Variants in DGKI observed in about 807,000 individuals in gnomAD.
DGKI encodes diacylglycerol kinase iota.
DGKI carries 55 observed loss-of-function variants against 147.5 expected under a neutral mutation model. The observed-to-expected ratio is 0.37, with a 90% CI of 0.30 to 0.47. The LOEUF is 0.47. Ranked by LOEUF, DGKI falls within the 20% of genes least tolerant of loss-of-function variation. DGKI has a pLI of 1.00. For missense variants in DGKI, 1,007 were observed against 1,323.8 expected (o/e 0.76, Z 3.71); for synonymous variants, 469 against 477.1 (o/e 0.98, Z 0.22).
At chr7:137,545,450 T>G (rs559027413) in intron 20 of DGKI, among the ~76,000 whole-genome samples, 1 of 152,168 alleles carries the variant, frequency 6.6e-6, no homozygotes, top group African/African-American at 2.4e-5. Flanking sequence ...GTCATTGAAC[T>G]TTTACTGTAA....
At chr7:137,695,440 T>C (rs530389727) in intron 1 of DGKI, among the ~76,000 whole-genome samples, 2 of 152,326 alleles carry the variant, frequency 1.3e-5, no homozygotes, top group African/African-American at 4.8e-5. Flanking sequence ...AGAAAATACA[T>C]TTTGCCAGGC....
At chr7:137,518,271 G>T (rs1220360962) in intron 21 of DGKI, among the ~76,000 whole-genome samples, 3 of 152,080 alleles carry the variant, frequency 2.0e-5, no homozygotes, top group African/African-American at 7.2e-5. Context: ...TCATTTTACA[G>T]ATGAGAGATT....
intron 18 of DGKI, 23 bp downstream of exon 18, chr7:137,572,742 G>C: frequency 1.3e-6 from 2 of 1,535,510 alleles, no homozygotes; most frequent in South Asian, 1.2e-5. Context: ...TCAAACCAAG[G>C]AAACAATACA....
chr7:137,762,244 G>A (rs1795879473), intron 1 of DGKI, among the ~76,000 whole-genome samples: 1 of 152,126 alleles, frequency 6.6e-6, no homozygotes, highest in African/African-American at 2.4e-5. Flanking sequence ...CTTCTTAATA[G>A]ATTCCTGGGA....
intron 19 of DGKI, among the ~76,000 whole-genome samples, chr7:137,560,281 A>G (rs943704442): frequency 6.6e-6 from 1 of 152,262 alleles, no homozygotes; most frequent in Non-Finnish European, 1.5e-5. Flanking sequence ...TGAAAAACAG[A>G]GACAGAAATG....
intron 28 of DGKI, among the ~76,000 whole-genome samples, chr7:137,418,254 G>A (rs1585094386): frequency 1.3e-5 from 2 of 152,124 alleles, no homozygotes; most frequent in Non-Finnish European, 2.9e-5. Flanking sequence ...TTCTATCAGT[G>A]GAAAAATTTA....
At chr7:137,666,533 C>T (rs1177662750) in intron 3 of DGKI, among the ~76,000 whole-genome samples, 1 of 152,218 alleles carries the variant, frequency 6.6e-6, no homozygotes, top group Non-Finnish European at 1.5e-5. Context: ...TCTTACAATT[C>T]AGGCACAGTT....
chr7:137,541,384 CTATT>C (rs1239953624), intron 20 of DGKI, among the ~76,000 whole-genome samples: 48 of 152,210 alleles, frequency 3.2e-4, no homozygotes, highest in African/African-American at 1.1e-3. Flanking sequence ...CATGTACAGA[CTATT>C]TATCTCATCA....
chr7:137,405,347 C>T (rs1345105427), intron 30 of DGKI, among the ~76,000 whole-genome samples: 2 of 152,138 alleles, frequency 1.3e-5, no homozygotes, highest in Admixed American at 6.5e-5. Context: ...TGGGCTCAAG[C>T]AATCCTTCTG....
intron 21 of DGKI, among the ~76,000 whole-genome samples, chr7:137,506,394 A>G (rs1363131411): frequency 6.6e-6 from 1 of 152,198 alleles, no homozygotes; most frequent in Non-Finnish European, 1.5e-5. Flanking sequence ...GAAATTCTGG[A>G]AAGGGCAAAA....
chr7:137,411,663 T>C (rs1812168467), intron 29 of DGKI, among the ~76,000 whole-genome samples: 1 of 152,182 alleles, frequency 6.6e-6, no homozygotes, highest in African/African-American at 2.4e-5. Flanking sequence ...ACCGCTTCCT[T>C]CCTTCTGAAC....
At chr7:137,467,371 T>C (rs1814699989) in intron 24 of DGKI, among the ~76,000 whole-genome samples, 1 of 152,264 alleles carries the variant, frequency 6.6e-6, no homozygotes, top group Non-Finnish European at 1.5e-5. Context: ...TAATCTTTTA[T>C]GCCTCCTGAA....
intron 1 of DGKI, among the ~76,000 whole-genome samples, chr7:137,768,409 G>C (rs1297575750): frequency 6.6e-6 from 1 of 152,116 alleles, no homozygotes; most frequent in African/African-American, 2.4e-5. Context: ...TTCATTTTTA[G>C]AATCATTTAA....
Position 137,604,815 on chromosome 7 carries a change from T to G in DGKI, c.1167+4151A>C, listed in dbSNP as rs779161149. ...TGAAAGCAGGAAACACTGAGAGATA[T>G]CACAGGATTCTATAAAACTCAGAAA... On this transcript the variant is annotated intron_variant, in intron 10 of 32. Coordinates refer to ENST00000614521, the MANE Select transcript of DGKI (RefSeq NM_001321708.2). Among the ~76,000 whole-genome samples, 2 of 152,086 alleles carry G rather than the reference T, an allele frequency of 1.3e-5. 1 individual carries two copies. Among genetic ancestry groups the G allele is most frequent in the Middle Eastern group, 6.3e-3 (2 of 316 alleles).
At chr7:137,832,818 C>T (rs1798257280) in intron 1 of DGKI, among the ~76,000 whole-genome samples, 1 of 152,210 alleles carries the variant, frequency 6.6e-6, no homozygotes, top group Non-Finnish European at 1.5e-5. Context: ...AAACTGAATG[C>T]CTTTAACAGC....
intron 1 of DGKI, among the ~76,000 whole-genome samples, chr7:137,841,211 T>A (rs933849670): frequency 1.3e-5 from 2 of 152,332 alleles, no homozygotes; most frequent in African/African-American, 4.8e-5. Context: ...TTTGAGCTCA[T>A]ACCAATCGAG....
chr7:137,558,248 A>G (rs1376615540), intron 19 of DGKI, among the ~76,000 whole-genome samples: 1 of 150,412 alleles, frequency 6.6e-6, no homozygotes, highest in African/African-American at 2.5e-5. Flanking sequence ...AAGAATTAAC[A>G]TTTCTAGGCA....
At chr7:137,787,093 A>G (rs1673963167) in intron 1 of DGKI, among the ~76,000 whole-genome samples, 1 of 152,234 alleles carries the variant, frequency 6.6e-6, no homozygotes, top group African/African-American at 2.4e-5. Flanking sequence ...AGAACCCAAA[A>G]GCAAATGCAA....
chr7:137,529,339 T>TA lies in DGKI; in HGVS notation c.2148-7374dup, dbSNP rs970232789. Among the ~76,000 whole-genome samples, 21 of 151,844 alleles carry TA rather than the reference T, an allele frequency of 1.4e-4. No homozygotes were observed. The East Asian group carries it at 2.9e-3, about 21-fold the overall frequency. On this transcript the variant is annotated intron_variant, in intron 20 of 32. Coordinates refer to ENST00000614521, the MANE Select transcript of DGKI (RefSeq NM_001321708.2). ...CACAGACTTACAAAACTTTTTAAAATAAAAAAAATCTATGCTTTTGAGCAT... is the reference window on the plus strand; with the variant it reads ...CACAGACTTACAAAACTTTTTAAAATAAAAAAAAATCTATGCTTTTGAGCAT...
Sources: allele counts gnomAD v4.1 joint callset (sites outside exome capture counted in the v4.1 genomes callset), GRCh38; gene constraint gnomAD v4.1.1; transcripts MANE v1.5; gene names NCBI Gene and HGNC (gene_info 2026-07-23, HGNC 2026-07-21).